The following TPST1 variants were observed in gnomAD, a reference collection of about 807,000 sequenced individuals.
TPST1 encodes protein-tyrosine sulfotransferase 1.
Under a neutral mutation model 34.8 loss-of-function variants are expected in TPST1, and 20 were observed. That is an observed-to-expected ratio of 0.57 (90% CI 0.40 to 0.84). The LOEUF is 0.84. Among genes scored for constraint, TPST1 ranks in the 40% least tolerant of loss-of-function variants. TPST1 has a pLI of 0.00. For synonymous variants in TPST1, 152 were observed against 159.4 expected, an observed-to-expected ratio of 0.95 and a Z score of 0.35; for missense variants, 353 against 455.5, an observed-to-expected ratio of 0.78 and a Z score of 2.05.
intron 2 of TPST1, 89 bp from the exon 3 acceptor site, chr7:66,286,422 A>T: frequency 1.0e-6 from 1 of 1,003,814 alleles, no homozygotes; most frequent in Non-Finnish European, 1.3e-6. Context: ...GACAACTGTT[A>T]GTCATTAAAA....
chr7:66,240,632 G>T lies in TPST1; in HGVS notation c.207G>T (p.Met69Ile). The T allele has an allele frequency of 6.2e-7, 1 of 1,614,182 alleles. No homozygotes were observed. The highest frequency in any genetic ancestry group is 8.5e-7 in the Non-Finnish European group (1 of 1,180,040). ...AAACCTTTGCCTATCACAAAGATAT[G>T]CCTTTAATATTTATTGGAGGTGTGC... Reference protein sequence around the residue: ...ANKTFAYHKDMPLIFIGGVPR... With the variant: ...ANKTFAYHKDIPLIFIGGVPR... The change falls in exon 2 of 6, where the codon ATG becomes ATT. Residue 69 changes from methionine to isoleucine, a missense_variant. By Grantham distance (10) the Met-to-Ile change is conservative (BLOSUM62 1). Transcript: ENST00000304842.
chr7:66,206,214 C>T (rs1335851033), intron 1 of TPST1, among the ~76,000 whole-genome samples: 1 of 151,800 alleles, frequency 6.6e-6, no homozygotes, highest in Non-Finnish European at 1.5e-5. Flanking sequence ...CTGCCTCGGC[C>T]TCCAAAGTGC....
At chr7:66,319,349 G>A (rs962058658) in intron 3 of TPST1, among the ~76,000 whole-genome samples, 6 of 151,764 alleles carry the variant, frequency 4.0e-5, no homozygotes, top group South Asian at 2.1e-4. Flanking sequence ...GCTCTTTAAC[G>A]TGTCCAGTAT....
At chr7:66,298,167 T>A (rs1791240426) in intron 3 of TPST1, among the ~76,000 whole-genome samples, 1 of 152,202 alleles carries the variant, frequency 6.6e-6, no homozygotes, top group African/African-American at 2.4e-5. Flanking sequence ...GTTGCAGAGT[T>A]CTGTAAATAT....
At chr7:66,221,539 C>G (rs1158370275) in intron 1 of TPST1, 1 of 152,188 alleles carries the variant, frequency 6.6e-6, no homozygotes, top group Non-Finnish European at 1.5e-5. Flanking sequence ...AGAATTGTCC[C>G]TTAGCCTTTA....
At chr7:66,284,537 G>T (rs1317859724) in intron 2 of TPST1, among the ~76,000 whole-genome samples, 1 of 142,058 alleles carries the variant, frequency 7.0e-6, no homozygotes. Flanking sequence ...TTATCTAATT[G>T]GCCACTGTCT....
chr7:66,337,691 C>T (rs931948488), intron 3 of TPST1, among the ~76,000 whole-genome samples: 1 of 152,096 alleles, frequency 6.6e-6, no homozygotes, highest in African/African-American at 2.4e-5. Context: ...TAAATCAAAA[C>T]ATCAAAAAGT....
chr7:66,283,053 G>C (rs1790963453), intron 2 of TPST1, among the ~76,000 whole-genome samples: 1 of 152,166 alleles, frequency 6.6e-6, no homozygotes, highest in African/African-American at 2.4e-5. Flanking sequence ...CAGATCACCT[G>C]AGGTCAGGAG....
chr7:66,359,464 A>C, intron 5 of TPST1: 1 of 162,100 alleles, frequency 6.2e-6, no homozygotes. Flanking sequence ...TCTTCACATA[A>C]GGAGGAATCA....
At chr7:66,270,145 A>G (rs1448046203) in intron 2 of TPST1, among the ~76,000 whole-genome samples, 2 of 152,128 alleles carry the variant, frequency 1.3e-5, no homozygotes, top group Non-Finnish European at 2.9e-5. Context: ...TGCTCCAGGC[A>G]GAGAGAAGAG....
intron 1 of TPST1, among the ~76,000 whole-genome samples, chr7:66,236,586 A>G (rs1236640124): frequency 6.6e-6 from 1 of 152,128 alleles, no homozygotes; most frequent in East Asian, 1.9e-4. Context: ...ACATATATTG[A>G]TTGATGTCTC....
chr7:66,345,163 A>G (rs1483968127), intron 3 of TPST1, among the ~76,000 whole-genome samples: 31 of 152,124 alleles, frequency 2.0e-4, no homozygotes, highest in Non-Finnish European at 2.9e-5. Context: ...ACAGATGCCA[A>G]ACCACAAATC....
intron 2 of TPST1, among the ~76,000 whole-genome samples, chr7:66,280,324 T>C (rs1790907717): frequency 6.6e-6 from 1 of 152,258 alleles, no homozygotes; most frequent in African/African-American, 2.4e-5. Flanking sequence ...CTGGGCCAGA[T>C]CTTGGGCCAT....
Position 66,241,221 on chromosome 7 carries a change from T to C in TPST1, c.796T>C (p.Leu266=). 1.2e-6 allele frequency: 2 copies of C among 1,613,974 alleles called. No homozygotes were observed. Among genetic ancestry groups the C allele is most frequent in the Middle Eastern group, 1.6e-4 (1 of 6,062 alleles). Residue 266 remains leucine (L), a synonymous_variant, in exon 2 of 6, where the codon TTG becomes CTG. Transcript: ENST00000304842. ...CCAGATTCCATGGAACCACTCAGTA[T>C]TGCACCATGAAGAGATGATTGGGAA... ...FLQIPWNHSV[L]HHEEMIGKAG... is the part of the protein sequence containing the mutation.
intron 2 of TPST1, among the ~76,000 whole-genome samples, chr7:66,279,814 A>T (rs1759727371): frequency 6.6e-6 from 1 of 152,256 alleles, no homozygotes; most frequent in African/African-American, 2.4e-5. Flanking sequence ...TCTTTATTTG[A>T]TAAATAGTAC....
At chr7:66,231,504 C>T (rs764836340) in intron 1 of TPST1, among the ~76,000 whole-genome samples, 2 of 152,224 alleles carry the variant, frequency 1.3e-5, no homozygotes, top group Non-Finnish European at 1.5e-5. Context: ...AGCCCTGCCC[C>T]GTGGGAAGGC....
chr7:66,201,999 T>TA (rs1364962815), upstream of TPST1, among the ~76,000 whole-genome samples: 7 of 152,288 alleles, frequency 4.6e-5, no homozygotes, highest in East Asian at 1.3e-3. Flanking sequence ...ACAACACTGT[T>TA]ACCAATTTAA....
chr7:66,304,234 A>G (rs1022321683), intron 3 of TPST1, among the ~76,000 whole-genome samples: 1 of 152,178 alleles, frequency 6.6e-6, no homozygotes, highest in Non-Finnish European at 1.5e-5. Context: ...GGCACTGATG[A>G]CTGAAACCTG....
chr7:66,294,791 A>G (rs1791159453), intron 3 of TPST1, among the ~76,000 whole-genome samples: 1 of 152,018 alleles, frequency 6.6e-6, no homozygotes, highest in South Asian at 2.1e-4. Flanking sequence ...TCTCCTCTGC[A>G]TTATGTTAAA....
Sources: gnomAD v4.1 joint callset for allele counts (sites outside exome capture counted in the v4.1 genomes callset) on GRCh38, gnomAD v4.1.1 for gene constraint, MANE v1.5 for transcripts, NCBI Gene and HGNC (gene_info 2026-07-23, HGNC 2026-07-21) for gene names.